Variants in GRM8 observed in about 807,000 individuals in gnomAD.
GRM8 encodes glutamate metabotropic receptor 8.
In GRM8, 47 loss-of-function variants were observed where a neutral mutation model predicts 87.2. The ratio of observed to expected loss-of-function variants is 0.54; its 90% confidence interval spans 0.43 to 0.69. The LOEUF (loss-of-function observed/expected upper bound fraction) is 0.69. GRM8 is among the 30% of genes least tolerant of loss of function. The pLI is 0.00. For missense variants in GRM8, 1,019 were observed against 1,139.2 expected, an observed-to-expected ratio of 0.89 and a Z score of 1.52; for synonymous variants, 396 against 404.5, an observed-to-expected ratio of 0.98 and a Z score of 0.25.
Position 127,091,647 on chromosome 7 carries a change from T to C in GRM8, c.727+14849A>G, listed in dbSNP as rs1258782185. The stretch of plus-strand genomic sequence containing the variant: ...CACTCATCATCCCCCGTCCCACTTA[T>C]GACCCACCCCACCATCCCACTGATC... On this transcript the variant is annotated intron_variant, in intron 3 of 10. Transcript: ENST00000339582. Among the ~76,000 whole-genome samples the C allele has an allele frequency of 4.3e-5, 4 of 93,692 alleles. 1 individual carries two copies. Among genetic ancestry groups the C allele is most frequent in the East Asian group, 7.7e-4 (2 of 2,590 alleles). 61.5% of individuals were successfully genotyped at this position (93,692 alleles called of 152,430 possible). A position where few individuals can be genotyped will look rare whatever the true frequency, so the allele number is the denominator to read the frequency against.
chr7:126,807,469 AC>A (rs1231203201), intron 6 of GRM8, among the ~76,000 whole-genome samples: 1 of 152,110 alleles, frequency 6.6e-6, no homozygotes, highest in Non-Finnish European at 1.5e-5. Context: ...GTCTAGGCTA[AC>A]CCTCGGTTTG....
intron 7 of GRM8, among the ~76,000 whole-genome samples, chr7:126,650,629 T>C (rs1343520157): frequency 6.6e-6 from 1 of 152,016 alleles, no homozygotes; most frequent in African/African-American, 2.4e-5. Flanking sequence ...ATTGGAAAAT[T>C]GGCAACAAAG....
chr7:127,096,808 G>A (rs2132973851), intron 3 of GRM8, among the ~76,000 whole-genome samples: 1 of 152,314 alleles, frequency 6.6e-6, no homozygotes, highest in South Asian at 2.1e-4. Context: ...AGGGTTGGAT[G>A]AACCTACAGA....
At chr7:126,547,961 T>G (rs568176268) in intron 8 of GRM8, among the ~76,000 whole-genome samples, 1 of 144,550 alleles carries the variant, frequency 6.9e-6, no homozygotes, top group African/African-American at 2.5e-5. Flanking sequence ...AGAGGGGGAG[T>G]TGGCTACAGG....
intron 3 of GRM8, among the ~76,000 whole-genome samples, chr7:126,955,915 G>A (rs534179440): frequency 1.3e-5 from 2 of 152,090 alleles, no homozygotes; most frequent in Admixed American, 6.5e-5. Context: ...GTGATTATAG[G>A]ACTTCTTTTC....
chr7:126,468,999 A>C (rs181681355), intron 9 of GRM8, among the ~76,000 whole-genome samples: 2 of 152,262 alleles, frequency 1.3e-5, no homozygotes, highest in East Asian at 3.9e-4. Flanking sequence ...ACAAACTTCT[A>C]TACAACTTCC....
chr7:127,252,578 A>C lies in GRM8; in HGVS notation c.-312+219T>G, dbSNP rs752425817. Among the ~76,000 whole-genome samples the C allele has an allele frequency of 1.3e-5, 2 of 152,164 alleles. No homozygotes were observed. The highest frequency in any genetic ancestry group is 2.4e-5 in the African/African-American group (1 of 41,446). ...CAGGGCCATCTACTTGTGCTCAGGA[A>C]AAACAAATCACTAGAGTGATATGAG... On this transcript the variant is annotated intron_variant, in intron 1 of 10. Transcript: ENST00000339582. This position sits in a 1 kb window ranked among gnomAD's most constrained non-coding sequence, Gnocchi z 4.9.
chr7:127,055,021 A>G (rs895002893), intron 3 of GRM8, among the ~76,000 whole-genome samples: 1 of 152,160 alleles, frequency 6.6e-6, no homozygotes, highest in African/African-American at 2.4e-5. Context: ...TTTAGGTACA[A>G]TAATAGAAAC....
chr7:126,978,774 A>G (rs1030788088), intron 3 of GRM8, among the ~76,000 whole-genome samples: 10 of 152,332 alleles, frequency 6.6e-5, no homozygotes, highest in Admixed American at 3.3e-4. Flanking sequence ...AATCCTTACA[A>G]AAGACTTTCT....
chr7:127,130,612 A>G (rs1251315048), intron 2 of GRM8, among the ~76,000 whole-genome samples: 1 of 152,132 alleles, frequency 6.6e-6, no homozygotes, highest in Non-Finnish European at 1.5e-5. Flanking sequence ...TGGCAGAAGA[A>G]ATTTCTGGGA....
chr7:127,071,938 C>G (rs1056448516), intron 3 of GRM8, among the ~76,000 whole-genome samples: 6 of 152,028 alleles, frequency 3.9e-5, no homozygotes, highest in Non-Finnish European at 7.4e-5. Flanking sequence ...CTCCCACATG[C>G]CCAGCTTTGC....
chr7:127,066,338 C>G (rs1821107812), intron 3 of GRM8, among the ~76,000 whole-genome samples: 1 of 152,104 alleles, frequency 6.6e-6, no homozygotes, highest in Admixed American at 6.6e-5. Context: ...TGATATCAGG[C>G]CTTGGGTTTT....
At chr7:126,603,962 C>CTATG (rs1304384781) in intron 8 of GRM8, among the ~76,000 whole-genome samples, 1 of 151,366 alleles carries the variant, frequency 6.6e-6, no homozygotes, top group Non-Finnish European at 1.5e-5. Flanking sequence ...AGCTGTTCCT[C>CTATG]TATGAAATTA....
intron 6 of GRM8, among the ~76,000 whole-genome samples, chr7:126,824,434 A>G (rs1370731315): frequency 6.6e-6 from 1 of 152,236 alleles, no homozygotes; most frequent in East Asian, 1.9e-4. Context: ...CTTCCCAGGA[A>G]GTCATTAGTG....
intron 7 of GRM8, among the ~76,000 whole-genome samples, chr7:126,610,453 G>C (rs574227409): frequency 1.3e-5 from 2 of 152,022 alleles, no homozygotes; most frequent in South Asian, 4.2e-4. Flanking sequence ...CCTTTTATCT[G>C]ACTCTCTTCT....
intron 9 of GRM8, among the ~76,000 whole-genome samples, chr7:126,483,193 T>A (rs1252967289): frequency 6.7e-6 from 1 of 150,298 alleles, no homozygotes; most frequent in Non-Finnish European, 1.5e-5. Context: ...CCTTCCTTCA[T>A]CATGATGCAT....
chr7:126,894,811 C>T (rs1259727118), intron 6 of GRM8, among the ~76,000 whole-genome samples: 1 of 152,044 alleles, frequency 6.6e-6, no homozygotes, highest in Non-Finnish European at 1.5e-5. Flanking sequence ...TCAGTCCTAT[C>T]ATCGTTAGGT....
At chr7:127,216,526 A>C (rs1204472195) in intron 2 of GRM8, among the ~76,000 whole-genome samples, 7 of 150,570 alleles carry the variant, frequency 4.6e-5, no homozygotes, top group Admixed American at 2.0e-4. Flanking sequence ...TCAAAAAAAA[A>C]AAAAAAAACA....
At chr7:127,211,788 T>A (rs2116634904) in intron 2 of GRM8, among the ~76,000 whole-genome samples, 1 of 152,324 alleles carries the variant, frequency 6.6e-6, no homozygotes, top group South Asian at 2.1e-4. Context: ...CCAAATCTGT[T>A]GGCACCTTGA....
Sources: allele counts gnomAD v4.1 joint callset (sites outside exome capture counted in the v4.1 genomes callset), GRCh38; gene constraint gnomAD v4.1.1; non-coding constraint Gnocchi (gnomAD v3.1); transcripts MANE v1.5; gene names NCBI Gene and HGNC (gene_info 2026-07-23, HGNC 2026-07-21).